TMC6: variants seen among roughly 807,000 people sequenced by gnomAD.
TMC6 encodes transmembrane channel like 6, also known as transmembrane channel-like protein 6.
TMC6 carries 71 observed loss-of-function variants against 95.4 expected under a neutral mutation model. The observed-to-expected ratio is 0.74, with a 90% CI of 0.61 to 0.91. TMC6 has a LOEUF of 0.91. Ranked by LOEUF, TMC6 falls within the 40% of genes least tolerant of loss-of-function variation. The probability of loss-of-function intolerance (pLI) is 0.00; values close to 1 mark genes in which losing one functional copy is unlikely to be tolerated. For missense variants in TMC6, 1,074 were observed against 1,079.1 expected (o/e 1.00, Z 0.07); for synonymous variants, 514 against 483.1 (o/e 1.06, Z -0.84).
chr17:78,119,065 T>C lies in TMC6; in HGVS notation c.1812-19A>G. On this transcript the variant is annotated intron_variant, in intron 14 of 19. Transcript: ENST00000590602. The stretch of plus-strand genomic sequence containing the variant: ...CCCCAGCCTGGGGAGGGGGTGGCAG[T>C]TCAGGGGCTGCTCCAGTGCCCTCCC... 1 of 1,565,782 alleles carries C rather than the reference T, an allele frequency of 6.4e-7. No individual in the cohort carries two copies. Among genetic ancestry groups the C allele is most frequent in the Non-Finnish European group, 8.7e-7 (1 of 1,154,566 alleles).
At position 78,117,367 on chromosome 17, in the gene TMC6, G is replaced by C. The variant is rs376036264; in HGVS notation, c.2199-20C>G. On this transcript the variant is annotated intron_variant, in intron 17 of 19. Transcript: ENST00000590602. ...ACGGCCCTGCGGGAGAGGGGCTGTC[G>C]GGCAGGGCCCAGGGCCACAGCCCGG... 1.9e-6 allele frequency: 3 copies of C among 1,612,938 alleles called. No homozygotes were observed. Among genetic ancestry groups the C allele is most frequent in the Non-Finnish European group, 2.5e-6 (3 of 1,179,882 alleles).
chr17:78,116,234 C>T (rs2074104112), intron 18 of TMC6, among the ~76,000 whole-genome samples: 1 of 151,362 alleles, frequency 6.6e-6, no homozygotes, highest in Non-Finnish European at 1.5e-5. Flanking sequence ...ACCTCGGCCT[C>T]CCAAAGTGCT....
At position 78,124,299 on chromosome 17, in the gene TMC6, G is replaced by A. The variant is rs2074583482; in HGVS notation, c.892-120C>T. On this transcript the variant is annotated intron_variant, in intron 8 of 19. Coordinates refer to ENST00000590602, the MANE Select transcript of TMC6 (RefSeq NM_001127198.5). Reference sequence around the variant, plus strand: ...AGGCAGGGGCAGTGAGGGAAACAGGGAGGGGCCTTGGCCACAGCAATCTTG... The same window carrying A: ...AGGCAGGGGCAGTGAGGGAAACAGGAAGGGGCCTTGGCCACAGCAATCTTG... 2.8e-6 allele frequency: 4 copies of A among 1,408,484 alleles called. No homozygotes were observed. In the South Asian group the frequency reaches 3.8e-5, roughly 14 times the overall value. 87.2% of individuals were successfully genotyped at this position (1,408,484 alleles called of 1,614,324 possible).
chr17:78,125,666 C>T (rs1447350369), intron 5 of TMC6, 60 bp downstream of exon 5: 1 of 1,545,592 alleles, frequency 6.5e-7, no homozygotes, highest in African/African-American at 1.4e-5. Flanking sequence ...CCAGGCTGGC[C>T]TCTTGCACCC....
rs1161191970 is a variant in TMC6 at position 78,109,321 on chromosome 17, C to G, written c.*3827G>C. 5.3e-6 allele frequency: 2 copies of G among 379,814 alleles called. No homozygotes were observed. The highest frequency in any genetic ancestry group is 1.1e-5 in the Non-Finnish European group (2 of 188,350). 23.5% of individuals were successfully genotyped at this position (379,814 alleles called of 1,614,324 possible). A position where few individuals can be genotyped will look rare whatever the true frequency, so the allele number is the denominator to read the frequency against. ...AGACAGTGGGGCATCCCGAGAAGAT[C>G]CTCTGCAGGAGTGCGGTGTCTACGG... On this transcript the variant is annotated 3_prime_UTR_variant, in exon 20 of 20. Transcript: ENST00000590602.
In TMC6 at chr17:78,122,614, G is replaced by C. The variant is rs1374894304; in HGVS notation, c.1218C>G (p.Thr406=). 2 of 1,610,594 alleles carry C rather than the reference G, an allele frequency of 1.2e-6. No homozygotes were observed. Among genetic ancestry groups the C allele is most frequent in the Non-Finnish European group, 1.7e-6 (2 of 1,179,878 alleles). ...CTCCGGGGCCACTCACCTTCAGCCG[G>C]GTGCGAATATTGTCCTGCTGGAGGC... The part of the protein sequence containing the change: ...ASRLQQDNIR[T]RLKELLAEWQ... The change falls in exon 10 of 20, where the codon ACC becomes ACG. Residue 406 remains threonine (T), a synonymous_variant. Coordinates refer to ENST00000590602, the MANE Select transcript of TMC6 (RefSeq NM_001127198.5). This position sits in a 1 kb window ranked among gnomAD's most constrained non-coding sequence, Gnocchi z 4.9.
intron 13 of TMC6, chr17:78,119,661 G>A: frequency 2.0e-6 from 1 of 505,916 alleles, no homozygotes; most frequent in Non-Finnish European, 3.6e-6. Context: ...TTGAAACAGG[G>A]TCTGGCTCTG....
chr17:78,126,190 G>C, intron 4 of TMC6, 87 bp downstream of exon 4: 1 of 1,501,742 alleles, frequency 6.7e-7, no homozygotes. Flanking sequence ...TACCCAGGGA[G>C]ATGCCTGGCA....
chr17:78,125,745 G>A lies in TMC6; in HGVS notation c.411C>T (p.Pro137=). 1 of 1,568,816 alleles carries A rather than the reference G, an allele frequency of 6.4e-7. No homozygotes were observed. The highest frequency in any genetic ancestry group is 8.6e-7 in the Non-Finnish European group (1 of 1,157,288). ...SLRLYDLELD[P]TALEEEEKQS... is the part of the protein sequence containing the mutation. ...ACTCACCCTCCTCCTCCAGGGCCGT[G>A]GGGTCCAGCTCCAGGTCGTACAGGC... Residue 137 remains proline, a synonymous_variant, in exon 5 of 20, where the codon CCC becomes CCT. Transcript: ENST00000590602.
Position 78,126,897 on chromosome 17 carries a change from G to A in TMC6, c.-65C>T, listed in dbSNP as rs1302662229. ...GCTCAGAGCCTGGGCGCCACCTCCG[G>A]AGCCCCCATCTGATGAGACAGGGGC... On this transcript the variant is annotated 5_prime_UTR_variant, in exon 2 of 20. Coordinates refer to ENST00000590602, the MANE Select transcript of TMC6 (RefSeq NM_001127198.5). 2 of 1,579,232 alleles carry A rather than the reference G, an allele frequency of 1.3e-6. No homozygotes were observed. Among genetic ancestry groups the A allele is most frequent in the Non-Finnish European group, 8.6e-7 (1 of 1,160,476 alleles).
At chr17:78,131,619 C>G (rs1222145664), upstream of TMC6, 1 of 1,550,516 alleles carries the variant, frequency 6.4e-7, no homozygotes, top group Non-Finnish European at 8.7e-7. Flanking sequence ...GTCATCGGAG[C>G]GGGCCCCTGG....
rs1035531683 is a variant in TMC6 at position 78,108,637 on chromosome 17, G to A, written c.*4511C>T. 6.5e-6 allele frequency: 1 copy of A among 154,870 alleles called. No homozygotes were observed. The highest frequency in any genetic ancestry group is 1.5e-5 in the Non-Finnish European group (1 of 68,326). 9.6% of individuals were successfully genotyped at this position (154,870 alleles called of 1,614,324 possible). ...GACAGACTGGGAACTCGGGGGACAG[G>A]AGGGCAGCACAGTGTAAGCTAAAGC... On this transcript the variant is annotated 3_prime_UTR_variant, in exon 20 of 20. Transcript: ENST00000590602.
chr17:78,116,143 A>G (rs1353016613), intron 18 of TMC6, among the ~76,000 whole-genome samples: 2 of 151,608 alleles, frequency 1.3e-5, no homozygotes, highest in Non-Finnish European at 2.9e-5. Flanking sequence ...CGCCCAGCTG[A>G]TTTTTGTACT....
chr17:78,124,346 C>T (rs773032309), intron 8 of TMC6, 167 bp from the exon 9 acceptor site: 3 of 1,339,806 alleles, frequency 2.2e-6, no homozygotes, highest in Non-Finnish European at 3.1e-6. Flanking sequence ...CCATGGGAAC[C>T]CCAGCACGAT....
At chr17:78,113,993 G>A (rs1045015432) in intron 18 of TMC6, 1 of 348,012 alleles carries the variant, frequency 2.9e-6, no homozygotes, top group Non-Finnish European at 5.6e-6. Context: ...CAAGGCACAG[G>A]GTTTACATTA....
chr17:78,113,597 TG>T lies in TMC6; in HGVS notation c.2304del (p.Asn769ThrfsTer88). 12 of 1,613,966 alleles carry T rather than the reference TG, an allele frequency of 7.4e-6. No homozygotes were observed. The highest frequency in any genetic ancestry group is 1.0e-5 in the Non-Finnish European group (12 of 1,180,024). On this transcript the variant is annotated frameshift_variant, in exon 19 of 20. Transcript: ENST00000590602. LOFTEE classifies it low-confidence loss of function (END_TRUNC). ...SNEGEDKIFLINKLHSIYERK... is the reference protein window; with the variant it reads ...SNEGEDKIFLXNKLHSIYERK... The stretch of plus-strand genomic sequence containing the variant: ...CTCTCGTAGATGGAGTGAAGCTTGT[TG>T]ATTAAGAAGATTTTGTCCTCACCCT...
chr17:78,126,860 A>G lies in TMC6; in HGVS notation c.-28T>C. 1 of 1,610,396 alleles carries G rather than the reference A, an allele frequency of 6.2e-7. No individual in the cohort carries two copies. The highest frequency in any genetic ancestry group is 8.5e-7 in the Non-Finnish European group (1 of 1,179,334). On this transcript the variant is annotated 5_prime_UTR_variant, in exon 2 of 20. Transcript: ENST00000590602. ...CTCTGGCCAATGCCCGCTAGTCTGC[A>G]GACCTAGGGTAGCTCAGAGCCTGGG...
At chr17:78,120,888 C>T (rs1177257702) in intron 12 of TMC6, 56 bp from the exon 13 acceptor site, 3 of 1,610,716 alleles carry the variant, frequency 1.9e-6, no homozygotes, top group African/African-American at 2.7e-5. Context: ...AGAAGATGCA[C>T]CCCAGGGCCC....
At position 78,124,943 on chromosome 17, in the gene TMC6, C is replaced by G; in HGVS notation, c.579G>C (p.Pro193=). The change falls in exon 7 of 20, where the codon CCG becomes CCC. Residue 193 remains proline (P), a synonymous_variant. Coordinates refer to ENST00000590602, the MANE Select transcript of TMC6 (RefSeq NM_001127198.5). The part of the protein sequence containing the change: ...RTPRGKWRGQ[P]GSGGVCSCCG... ...AGCAGGAGCAGACCCCGCCGCTGCC[C>G]GGCTGGCCCCTCCACTTCCCCCTCG... The G allele has an allele frequency of 6.2e-7, 1 of 1,600,614 alleles. No homozygotes were observed. Among genetic ancestry groups the G allele is most frequent in the Non-Finnish European group, 8.5e-7 (1 of 1,175,912 alleles).
Sources: gnomAD v4.1 joint callset for allele counts (sites outside exome capture counted in the v4.1 genomes callset) on GRCh38, gnomAD v4.1.1 for gene constraint, Gnocchi (gnomAD v3.1) non-coding constraint, MANE v1.5 for transcripts, NCBI Gene and HGNC (gene_info 2026-07-23, HGNC 2026-07-21) for gene names.